Variants in NUBPL observed in about 807,000 individuals in gnomAD.
NUBPL encodes the protein iron-sulfur cluster transfer protein NUBPL.
In NUBPL, 31 loss-of-function variants were observed where a neutral mutation model predicts 45.7. The ratio of observed to expected loss-of-function variants is 0.68; its 90% CI spans 0.51 to 0.92. The LOEUF is 0.92. Ranked by LOEUF, NUBPL falls within the 40% of genes least tolerant of loss-of-function variation. The pLI is 0.00. For missense variants in NUBPL, 401 were observed against 398.7 expected, an observed-to-expected ratio of 1.01 and a Z score of -0.05; for synonymous variants, 144 against 140.9, an observed-to-expected ratio of 1.02 and a Z score of -0.15.
chr14:31,710,754 A>C (rs1421330910), intron 6 of NUBPL, among the ~76,000 whole-genome samples: 2 of 152,084 alleles, frequency 1.3e-5, no homozygotes, highest in Non-Finnish European at 2.9e-5. Context: ...CACTTATATG[A>C]ATAGGAAGGA....
intron 4 of NUBPL, among the ~76,000 whole-genome samples, chr14:31,661,625 T>C: frequency 6.6e-6 from 1 of 152,328 alleles, no homozygotes; most frequent in East Asian, 1.9e-4. Context: ...CACGGCAACC[T>C]CTGCCTCCTG....
Position 31,816,662 on chromosome 14 carries a change from C to T in NUBPL, c.608-9967C>T, listed in dbSNP as rs1189651189. ...GATCTTTCCTGCTTTCTCCTGTGGG[C>T]ATTTAGTGCTATAAATTTCCCTCTA... On this transcript the variant is annotated intron_variant, in intron 7 of 10. Coordinates refer to ENST00000281081, the MANE Select transcript of NUBPL (RefSeq NM_025152.3). Among the ~76,000 whole-genome samples, 4 of 152,246 alleles carry T rather than the reference C, an allele frequency of 2.6e-5. No homozygotes were observed. In the East Asian group the frequency reaches 5.8e-4, roughly 22 times the overall value.
At chr14:31,768,571 A>G (rs1273506292) in intron 6 of NUBPL, among the ~76,000 whole-genome samples, 1 of 152,162 alleles carries the variant, frequency 6.6e-6, no homozygotes, top group Non-Finnish European at 1.5e-5. Context: ...GGGTTGGAAA[A>G]ACTTGGACCT....
At chr14:31,703,728 G>A (rs944200076) in intron 6 of NUBPL, among the ~76,000 whole-genome samples, 1 of 152,194 alleles carries the variant, frequency 6.6e-6, no homozygotes, top group East Asian at 1.9e-4. Flanking sequence ...TGGGAATTAT[G>A]GGAGCTACAA....
intron 3 of NUBPL, among the ~76,000 whole-genome samples, chr14:31,565,624 A>G (rs1595284701): frequency 6.6e-6 from 1 of 152,112 alleles, no homozygotes; most frequent in African/African-American, 2.4e-5. Flanking sequence ...TTAATGGTCA[A>G]TGATAATATA....
intron 9 of NUBPL, 92 bp downstream of exon 9, chr14:31,846,683 A>C: frequency 1.3e-6 from 2 of 1,559,468 alleles, no homozygotes; most frequent in Non-Finnish European, 1.7e-6. Flanking sequence ...GAGGCCGGGC[A>C]CGGAGTCTCA....
At chr14:31,733,399 A>G (rs1456453599) in intron 6 of NUBPL, among the ~76,000 whole-genome samples, 2 of 152,290 alleles carry the variant, frequency 1.3e-5, no homozygotes, top group South Asian at 2.1e-4. Flanking sequence ...TTTGCTAGGG[A>G]TAATATTGAC....
intron 6 of NUBPL, among the ~76,000 whole-genome samples, chr14:31,718,926 A>G (rs2037747383): frequency 6.6e-6 from 1 of 152,234 alleles, no homozygotes; most frequent in Non-Finnish European, 1.5e-5. Flanking sequence ...AGAATAAAAT[A>G]GAGATGCATC....
chr14:31,567,282 AGT>A (rs1169309692), intron 3 of NUBPL, among the ~76,000 whole-genome samples: 1 of 152,200 alleles, frequency 6.6e-6, no homozygotes, highest in Non-Finnish European at 1.5e-5. Flanking sequence ...TACATTTAAA[AGT>A]GCCACAAACA....
At chr14:31,608,261 A>G (rs2034655712) in intron 4 of NUBPL, among the ~76,000 whole-genome samples, 1 of 152,212 alleles carries the variant, frequency 6.6e-6, no homozygotes, top group African/African-American at 2.4e-5. Flanking sequence ...CATCAGAAAG[A>G]AAAGGACATA....
intron 4 of NUBPL, among the ~76,000 whole-genome samples, chr14:31,655,953 C>T (rs2036131953): frequency 6.6e-6 from 1 of 152,186 alleles, no homozygotes; most frequent in Admixed American, 6.5e-5. Context: ...CTGGTATCTT[C>T]TTCCATTTCA....
At chr14:31,786,253 A>G (rs2039281778) in intron 6 of NUBPL, among the ~76,000 whole-genome samples, 1 of 152,234 alleles carries the variant, frequency 6.6e-6, no homozygotes, top group Admixed American at 6.5e-5. Flanking sequence ...ATGAAATTAT[A>G]TACAGTTTCC....
chr14:31,634,520 G>A (rs559949814), intron 4 of NUBPL, among the ~76,000 whole-genome samples: 1 of 152,026 alleles, frequency 6.6e-6, no homozygotes, highest in African/African-American at 2.4e-5. Context: ...CCAAGTCTTT[G>A]CTATTGTGAA....
chr14:31,582,667 G>T (rs749914101), intron 3 of NUBPL, among the ~76,000 whole-genome samples: 4 of 151,942 alleles, frequency 2.6e-5, no homozygotes, highest in Non-Finnish European at 5.9e-5. Flanking sequence ...AGCTTGATTA[G>T]CTCCCAGTTT....
intron 9 of NUBPL, 191 bp from the exon 10 acceptor site, chr14:31,849,928 T>A (rs2040511528): frequency 1.6e-6 from 1 of 617,486 alleles, no homozygotes; most frequent in Non-Finnish European, 2.9e-6. Context: ...ATCACTGTAC[T>A]ACTCTAAAAT....
intron 4 of NUBPL, among the ~76,000 whole-genome samples, chr14:31,649,862 C>CT (rs941777464): frequency 1.2e-3 from 188 of 151,670 alleles, no homozygotes; most frequent in African/African-American, 4.1e-3. Context: ...TAAAAATTCA[C>CT]TTTTTTTTTG....
rs148347682 is a variant in NUBPL, at chr14:31,831,243, A to G, written c.693+4529A>G. On this transcript the variant is annotated intron_variant, in intron 8 of 10. Coordinates refer to ENST00000281081, the MANE Select transcript of NUBPL (RefSeq NM_025152.3). ...ATTTTAGTAGAGGCGGGGTTTCACC[A>G]TGTTGGCCAGGCTGGTCTCAAACTC... Among the ~76,000 whole-genome samples, 1,165 of 151,472 alleles carry G rather than the reference A, an allele frequency of 7.7e-3. 9 individuals are homozygous for G. Among genetic ancestry groups the G allele is most frequent in the African/African-American group, 0.026 (1,095 of 41,328 alleles).
intron 4 of NUBPL, among the ~76,000 whole-genome samples, chr14:31,653,046 C>G (rs148789551): frequency 6.6e-6 from 1 of 151,942 alleles, no homozygotes. Flanking sequence ...AGGGGGTGTA[C>G]GAACGGGAAG....
At chr14:31,577,697 C>T (rs538848802) in intron 3 of NUBPL, among the ~76,000 whole-genome samples, 1 of 152,356 alleles carries the variant, frequency 6.6e-6, no homozygotes, top group South Asian at 2.1e-4. Flanking sequence ...CAGGCATGGG[C>T]CACCGCACCT....
Sources: allele counts gnomAD v4.1 joint callset (sites outside exome capture counted in the v4.1 genomes callset), GRCh38; gene constraint gnomAD v4.1.1; transcripts MANE v1.5; gene names NCBI Gene and HGNC (gene_info 2026-07-23, HGNC 2026-07-21).